The following DOCK3 variants were observed in gnomAD, a reference collection of about 807,000 sequenced individuals.
The protein encoded by DOCK3 is dedicator of cytokinesis protein 3.
DOCK3 carries 60 observed loss-of-function variants against 265.6 expected under a neutral mutation model. The ratio of observed to expected loss-of-function variants is 0.23; its 90% confidence interval spans 0.18 to 0.28. The LOEUF is 0.28. DOCK3 is among the 10% of genes least tolerant of loss of function. DOCK3 has a pLI of 1.00. For missense variants in DOCK3, 1,981 were observed against 2,594.3 expected, an observed-to-expected ratio of 0.76 and a Z score of 5.14; for synonymous variants, 881 against 938.0, an observed-to-expected ratio of 0.94 and a Z score of 1.11.
intron 5 of DOCK3, among the ~76,000 whole-genome samples, chr3:50,945,149 T>A (rs1306403202): frequency 6.6e-6 from 1 of 152,206 alleles, no homozygotes; most frequent in Non-Finnish European, 1.5e-5. Flanking sequence ...GCATTAATTT[T>A]GACTGTGAAT....
Position 50,675,260 on chromosome 3 carries a change from G to A in DOCK3, c.-4G>A. ...GCGCCCGCGGGGCCGCGCCCGGCAC[G>A]GCCATGTGGACCCCCACGGAGGAGG... On this transcript the variant is annotated 5_prime_UTR_variant, in exon 1 of 53. Coordinates refer to ENST00000266037, the MANE Select transcript of DOCK3 (RefSeq NM_004947.5). The surrounding 1 kb of genome is among the most constrained non-coding windows in gnomAD (Gnocchi z 6.1). 3.3e-6 allele frequency: 4 copies of A among 1,223,592 alleles called. No individual in the cohort carries two copies. Among genetic ancestry groups the A allele is most frequent in the Non-Finnish European group, 4.1e-6 (4 of 969,754 alleles). 75.8% of individuals were successfully genotyped at this position (1,223,592 alleles called of 1,614,324 possible).
intron 2 of DOCK3, among the ~76,000 whole-genome samples, chr3:50,803,541 A>T (rs904259223): frequency 3.3e-5 from 5 of 151,686 alleles, no homozygotes; most frequent in African/African-American, 1.2e-4. Flanking sequence ...CTTCCACTCA[A>T]CAAAACTGCC....
At chr3:50,705,215 C>G (rs538974431) in intron 1 of DOCK3, among the ~76,000 whole-genome samples, 49 of 151,868 alleles carry the variant, frequency 3.2e-4, no homozygotes, top group African/African-American at 1.1e-3. Context: ...TATGTATCAC[C>G]TTTTGCTTTG....
chr3:51,045,133 C>G (rs567627010), intron 5 of DOCK3, among the ~76,000 whole-genome samples: 6 of 152,260 alleles, frequency 3.9e-5, no homozygotes, highest in Admixed American at 1.3e-4. Context: ...GCCTTTGCCA[C>G]TAAGCTTAAT....
intron 5 of DOCK3, among the ~76,000 whole-genome samples, chr3:50,943,327 A>G (rs2076344494): frequency 6.6e-6 from 1 of 152,048 alleles, no homozygotes. Context: ...GCAAAAATAA[A>G]TTTTGTTTCT....
At chr3:51,060,612 T>G (rs1269078843) in intron 5 of DOCK3, among the ~76,000 whole-genome samples, 11 of 152,094 alleles carry the variant, frequency 7.2e-5, no homozygotes, top group African/African-American at 1.2e-4. Flanking sequence ...TTCTACATAT[T>G]GCTAGCCAGT....
chr3:50,991,020 G>C (rs750836777), intron 5 of DOCK3, among the ~76,000 whole-genome samples: 1 of 152,184 alleles, frequency 6.6e-6, no homozygotes, highest in Non-Finnish European at 1.5e-5. Context: ...AGCTTCCTAA[G>C]TGAAGGATAA....
chr3:50,699,420 T>G (rs1342345227), intron 1 of DOCK3, among the ~76,000 whole-genome samples: 4 of 151,448 alleles, frequency 2.6e-5, no homozygotes, highest in Admixed American at 1.3e-4. Context: ...TTCAGATGGA[T>G]TTTTTCTATT....
chr3:50,822,849 A>G (rs1258981680), intron 2 of DOCK3, among the ~76,000 whole-genome samples: 1 of 152,180 alleles, frequency 6.6e-6, no homozygotes, highest in East Asian at 1.9e-4. Context: ...TATTCCTGCC[A>G]CTTACTAATG....
chr3:50,848,358 C>T (rs1256450978), intron 3 of DOCK3, among the ~76,000 whole-genome samples: 1 of 152,126 alleles, frequency 6.6e-6, no homozygotes, highest in Admixed American at 6.5e-5. Context: ...TAGCTGGCTG[C>T]TTTTTAGTTT....
chr3:51,372,332 G>A (rs2087750597), intron 49 of DOCK3, among the ~76,000 whole-genome samples: 1 of 152,208 alleles, frequency 6.6e-6, no homozygotes, highest in African/African-American at 2.4e-5. Context: ...CCTACCATGG[G>A]ATTGGCTGCC....
chr3:50,959,737 G>A (rs902973056), intron 5 of DOCK3, among the ~76,000 whole-genome samples: 1 of 151,842 alleles, frequency 6.6e-6, no homozygotes, highest in Admixed American at 6.6e-5. Flanking sequence ...CCGCCACCAC[G>A]CCCGGCTAAT....
intron 1 of DOCK3, among the ~76,000 whole-genome samples, chr3:50,689,939 G>C (rs1347084799): frequency 6.6e-6 from 1 of 152,010 alleles, no homozygotes; most frequent in Admixed American, 6.6e-5. Flanking sequence ...CTCACTTGGT[G>C]GTGTCTCTAG....
chr3:51,185,830 G>A (rs1183567443), intron 12 of DOCK3, among the ~76,000 whole-genome samples: 1 of 152,136 alleles, frequency 6.6e-6, no homozygotes, highest in Non-Finnish European at 1.5e-5. Flanking sequence ...ATGCATACAT[G>A]TAAGATGTGA....
chr3:50,997,162 G>T (rs1294054633), intron 5 of DOCK3, among the ~76,000 whole-genome samples: 1 of 152,072 alleles, frequency 6.6e-6, no homozygotes, highest in African/African-American at 2.4e-5. Context: ...TGTATACCCA[G>T]TGCCTAACAG....
chr3:51,049,403 T>C (rs1048752871), intron 5 of DOCK3, among the ~76,000 whole-genome samples: 1 of 152,094 alleles, frequency 6.6e-6, no homozygotes, highest in African/African-American at 2.4e-5. Flanking sequence ...AAAAGAAATA[T>C]CAGGAGCAGT....
At chr3:51,046,938 T>C (rs1424589490) in intron 5 of DOCK3, among the ~76,000 whole-genome samples, 1 of 152,118 alleles carries the variant, frequency 6.6e-6, no homozygotes, top group Non-Finnish European at 1.5e-5. Flanking sequence ...TCTTGAATAG[T>C]TATTAGGTCA....
intron 2 of DOCK3, among the ~76,000 whole-genome samples, chr3:50,784,223 T>C (rs1024904451): frequency 1.3e-5 from 2 of 152,234 alleles, no homozygotes; most frequent in Non-Finnish European, 2.9e-5. Context: ...TTCTTCTACA[T>C]GTGACTTGCC....
chr3:51,165,000 G>A (rs543792737), intron 12 of DOCK3, among the ~76,000 whole-genome samples: 4 of 143,512 alleles, frequency 2.8e-5, no homozygotes, highest in African/African-American at 7.8e-5. Flanking sequence ...GTGCAGTGGC[G>A]CAATCTCACC....
Sources: gnomAD v4.1 joint callset for allele counts (sites outside exome capture counted in the v4.1 genomes callset) on GRCh38, gnomAD v4.1.1 for gene constraint, Gnocchi (gnomAD v3.1) non-coding constraint, MANE v1.5 for transcripts, NCBI Gene and HGNC (gene_info 2026-07-23, HGNC 2026-07-21) for gene names.